Variants in CLIP1 observed in about 807,000 individuals in gnomAD.
The protein encoded by CLIP1 is CAP-Gly domain-containing linker protein 1.
CLIP1 carries 66 observed loss-of-function variants against 161.6 expected under a neutral mutation model. That is an observed-to-expected ratio of 0.41 (90% CI 0.33 to 0.50). CLIP1 has a LOEUF of 0.50. CLIP1 is among the 20% of genes least tolerant of loss of function. The probability of loss-of-function intolerance (pLI) is 0.27; values close to 1 mark genes in which losing one functional copy is unlikely to be tolerated. For synonymous variants in CLIP1, 598 were observed against 626.2 expected (o/e 0.96, Z 0.67); for missense variants, 1,376 against 1,702.0 (o/e 0.81, Z 3.37).
chr12:122,340,718 TG>T, intron 11 of CLIP1, 34 bp downstream of exon 11: 1 of 1,471,618 alleles, frequency 6.8e-7, no homozygotes. Flanking sequence ...GAATAACAAA[TG>T]GAAAAGAAAA....
In CLIP1 at chr12:122,316,750, T is replaced by C. The variant is rs1951288283; in HGVS notation, c.3472A>G (p.Ile1158Val). ...NQKMEEFRKE[I>V]ETLKQAAAQK... ...TTTTCTCAAAGGATAGAAACTTACA[T>C]TTCTTTCCTAAATTCTTCCATTTTT... is the stretch of plus-strand genomic sequence containing the variant. Residue 1158 changes from isoleucine to valine, a missense_variant and splice_region_variant, in exon 19 of 26, where the codon ATA (isoleucine) becomes GTA (valine). By Grantham distance (29) the Ile-to-Val change is conservative. Around this residue, in one of 6 missense-constraint regions of CLIP1, gnomAD observed 948 missense variants for 1,134.8 expected, o/e 0.84. Transcript: ENST00000620786. 6.6e-7 allele frequency: 1 copy of C among 1,524,104 alleles called. No homozygotes were observed. Among genetic ancestry groups the C allele is most frequent in the African/African-American group, 1.4e-5 (1 of 71,822 alleles). 94.4% of individuals were successfully genotyped at this position (1,524,104 alleles called of 1,614,324 possible).
chr12:122,355,272 C>T lies in CLIP1; in HGVS notation c.1046G>A (p.Gly349Asp). 1.2e-6 allele frequency: 2 copies of T among 1,614,184 alleles called. No individual in the cohort carries two copies. Among genetic ancestry groups the T allele is most frequent in the Non-Finnish European group, 1.7e-6 (2 of 1,180,024 alleles). ...CAGGGCCTCCTGGAGGGCAGTGGTA[C>T]CGGAGATCTTCCTGGCGTAACGGGA... is the stretch of plus-strand genomic sequence containing the variant. ...TSSRYARKIS[G>D]TTALQEALKE... is the part of the protein sequence containing the mutation. Residue 349 changes from glycine to aspartate, a missense_variant, in exon 6 of 26, where the codon GGT becomes GAT. By Grantham distance (94) the Gly-to-Asp change is moderately conservative. This residue lies in a region of CLIP1 where 211 missense variants were observed against 295.1 expected (regional missense o/e 0.72). Coordinates refer to ENST00000620786, the MANE Select transcript of CLIP1 (RefSeq NM_001247997.2). This position sits in a 1 kb window ranked among gnomAD's most constrained non-coding sequence, Gnocchi z 4.1.
At chr12:122,308,327 A>G (rs1437920141) in intron 20 of CLIP1, among the ~76,000 whole-genome samples, 1 of 152,224 alleles carries the variant, frequency 6.6e-6, no homozygotes, top group African/African-American at 2.4e-5. Flanking sequence ...AGATGGCAAT[A>G]GACTCAGCAC....
At chr12:122,389,243 C>A (rs1298039354) in intron 1 of CLIP1, among the ~76,000 whole-genome samples, 1 of 152,246 alleles carries the variant, frequency 6.6e-6, no homozygotes, top group Non-Finnish European at 1.5e-5. Context: ...GATTCCACCA[C>A]ACTAGAAATC....
Position 122,390,198 on chromosome 12 carries a change from A to ATAT in CLIP1, c.-106-9643_-106-9641dup. On this transcript the variant is annotated intron_variant, in intron 1 of 25. Coordinates refer to ENST00000620786, the MANE Select transcript of CLIP1 (RefSeq NM_001247997.2). ...ATATATATATATATATATATATATA[A>ATAT]TATATATATACACACATATATATAC... Among the ~76,000 whole-genome samples the ATAT allele has an allele frequency of 2.6e-5, 2 of 77,840 alleles. 1 individual carries two copies. The highest frequency in any genetic ancestry group is 1.2e-3 in the East Asian group (2 of 1,628). 51.1% of individuals were successfully genotyped at this position (77,840 alleles called of 152,430 possible).
At chr12:122,374,416 C>T (rs1366935068) in intron 3 of CLIP1, among the ~76,000 whole-genome samples, 6 of 148,850 alleles carry the variant, frequency 4.0e-5, no homozygotes, top group African/African-American at 7.4e-5. Context: ...GTCAAGAGAT[C>T]GAGACCATCC....
At chr12:122,350,395 G>A (rs1044158178) in intron 9 of CLIP1, among the ~76,000 whole-genome samples, 1 of 152,100 alleles carries the variant, frequency 6.6e-6, no homozygotes, top group Non-Finnish European at 1.5e-5. Flanking sequence ...GACTTGTACT[G>A]GGTGTTTGAA....
chr12:122,338,992 T>G (rs994895446), intron 11 of CLIP1, among the ~76,000 whole-genome samples: 6 of 152,162 alleles, frequency 3.9e-5, no homozygotes, highest in Non-Finnish European at 7.3e-5. Context: ...CCCTTCCTTC[T>G]TTGCCAATAG....
At chr12:122,325,547 T>C (rs1951681294) in intron 17 of CLIP1, among the ~76,000 whole-genome samples, 1 of 152,212 alleles carries the variant, frequency 6.6e-6, no homozygotes, top group Admixed American at 6.5e-5. Flanking sequence ...AGTGGCGCGA[T>C]CTCGGCTCAC....
intron 2 of CLIP1, among the ~76,000 whole-genome samples, chr12:122,379,627 AT>A (rs1342538861): frequency 6.6e-6 from 1 of 151,420 alleles, no homozygotes; most frequent in Non-Finnish European, 1.5e-5. Flanking sequence ...CTCTCCACAT[AT>A]AAAATTTTAC....
chr12:122,354,969 C>T, intron 6 of CLIP1, 146 bp downstream of exon 6: 1 of 715,554 alleles, frequency 1.4e-6, no homozygotes, highest in Non-Finnish European at 2.4e-6. Context: ...CAGACTGTAG[C>T]TTTCAAACAA....
intron 17 of CLIP1, 21 bp from the exon 18 acceptor site, chr12:122,319,369 T>C (rs950029049): frequency 6.4e-7 from 1 of 1,574,086 alleles, no homozygotes; most frequent in Non-Finnish European, 8.7e-7. Context: ...GGAAACACTG[T>C]GAGAAATGAG....
At chr12:122,390,213 CAT>C (rs1234659685) in intron 1 of CLIP1, among the ~76,000 whole-genome samples, 9 of 114,704 alleles carry the variant, frequency 7.8e-5, no homozygotes, top group South Asian at 5.5e-4. Context: ...TATATACACA[CAT>C]ATATATACAC....
Position 122,279,263 on chromosome 12 carries a change from G to T in CLIP1, c.3648-118C>A, listed in dbSNP as rs549451361. Reference sequence around the variant, plus strand: ...TAATGTAAAAAAAAAAATATAACAGGGAAGTTTTATAGGGAGTTAAGGCCA... The same window carrying T: ...TAATGTAAAAAAAAAAATATAACAGTGAAGTTTTATAGGGAGTTAAGGCCA... On this transcript the variant is annotated intron_variant, in intron 21 of 25. Coordinates refer to ENST00000620786, the MANE Select transcript of CLIP1 (RefSeq NM_001247997.2). This position sits in a 1 kb window ranked among gnomAD's most constrained non-coding sequence, Gnocchi z 4.5. 1 of 682,462 alleles carries T rather than the reference G, an allele frequency of 1.5e-6. No homozygotes were observed. The highest frequency in any genetic ancestry group is 2.3e-6 in the Non-Finnish European group (1 of 427,152). The allele number at this position is 682,462 out of a possible 1,614,324, so 42.3% of individuals were successfully genotyped here.
intron 1 of CLIP1, among the ~76,000 whole-genome samples, chr12:122,404,212 A>T (rs1956239923): frequency 6.6e-6 from 1 of 152,212 alleles, no homozygotes; most frequent in South Asian, 2.1e-4. Flanking sequence ...GTATCAAATC[A>T]GTGCACTAAC....
intron 1 of CLIP1, among the ~76,000 whole-genome samples, chr12:122,390,092 C>A (rs952480788): frequency 6.8e-6 from 1 of 147,172 alleles, no homozygotes; most frequent in African/African-American, 2.5e-5. Flanking sequence ...TCCCCAGAAA[C>A]AGATGCTGCT....
chr12:122,388,987 C>A (rs1254633477), intron 1 of CLIP1, among the ~76,000 whole-genome samples: 1 of 152,218 alleles, frequency 6.6e-6, no homozygotes, highest in Non-Finnish European at 1.5e-5. Context: ...TCCCCAACAC[C>A]TCTACAGCAG....
At chr12:122,405,000 T>C (rs553543727) in intron 1 of CLIP1, among the ~76,000 whole-genome samples, 2 of 152,164 alleles carry the variant, frequency 1.3e-5, no homozygotes, top group Non-Finnish European at 2.9e-5. Context: ...TTCACTGCCT[T>C]GTCTATAGGA....
intron 1 of CLIP1, among the ~76,000 whole-genome samples, chr12:122,389,013 G>C (rs1955460799): frequency 2.0e-5 from 3 of 152,190 alleles, no homozygotes; most frequent in Admixed American, 2.0e-4. Flanking sequence ...CCTCCTCCAT[G>C]TTTTCAAGGC....
Sources: gnomAD v4.1 joint callset for allele counts (sites outside exome capture counted in the v4.1 genomes callset) on GRCh38, gnomAD v4.1.1 for gene constraint, gnomAD v4.1.1 regional missense constraint, Gnocchi (gnomAD v3.1) non-coding constraint, MANE v1.5 for transcripts, NCBI Gene and HGNC (gene_info 2026-07-23, HGNC 2026-07-21) for gene names.